Variants in GATAD2A observed in about 807,000 individuals in gnomAD.
GATAD2A encodes the protein GATA zinc finger domain containing 2A, also known as transcriptional repressor p66-alpha.
Under a neutral mutation model 68.5 loss-of-function variants are expected in GATAD2A, and 12 were observed. The observed-to-expected ratio is 0.18, with a 90% CI of 0.11 to 0.28. The LOEUF (loss-of-function observed/expected upper bound fraction) is 0.28. GATAD2A is among the 10% of genes least tolerant of loss of function. The pLI is 1.00. For missense variants in GATAD2A, 755 were observed against 868.5 expected (o/e 0.87, Z 1.64); for synonymous variants, 410 against 375.3 (o/e 1.09, Z -1.07).
At chr19:19,471,228 C>T (rs1045170251) in intron 2 of GATAD2A, among the ~76,000 whole-genome samples, 2 of 148,192 alleles carry the variant, frequency 1.3e-5, no homozygotes, top group Admixed American at 6.8e-5. Context: ...TGTACTCCAG[C>T]CTGGTGACAG....
chr19:19,457,994 A>T (rs2057091177), intron 1 of GATAD2A, among the ~76,000 whole-genome samples: 1 of 152,188 alleles, frequency 6.6e-6, no homozygotes, highest in South Asian at 2.1e-4. Flanking sequence ...GGACCACTGC[A>T]GGGAGACGAT....
intron 1 of GATAD2A, among the ~76,000 whole-genome samples, chr19:19,399,039 A>G (rs2049495715): frequency 6.6e-6 from 1 of 151,260 alleles, no homozygotes; most frequent in Non-Finnish European, 1.5e-5. Context: ...AGCCTGGGCG[A>G]CAGAGTGAGA....
In GATAD2A at chr19:19,492,369, G is replaced by T; in HGVS notation, c.333G>T (p.Gln111His). The T allele has an allele frequency of 6.2e-7, 1 of 1,612,916 alleles. No individual in the cohort carries two copies. Among genetic ancestry groups the T allele is most frequent in the Middle Eastern group, 1.6e-4 (1 of 6,062 alleles). ...TGATTGTGCTCTCCGACAACGAGCA[G>T]CCCTCGAGCCCGAGAGTGAATGGGC... is the stretch of plus-strand genomic sequence containing the variant. ...PDVIVLSDNE[Q>H]PSSPRVNGLT... Residue 111 changes from glutamine (Q) to histidine (H), a missense_variant, in exon 3 of 12, where the codon CAG becomes CAT. Coordinates refer to ENST00000683918, the MANE Select transcript of GATAD2A (RefSeq NM_001384528.1).
intron 2 of GATAD2A, among the ~76,000 whole-genome samples, chr19:19,471,280 A>G (rs1836444192): frequency 6.6e-6 from 1 of 151,628 alleles, no homozygotes; most frequent in Non-Finnish European, 1.5e-5. Context: ...AAGTGGAAGC[A>G]ACCCAGTGTC....
intron 1 of GATAD2A, among the ~76,000 whole-genome samples, chr19:19,456,468 G>A (rs145577041): frequency 5.3e-5 from 8 of 152,310 alleles, no homozygotes; most frequent in African/African-American, 1.9e-4. Context: ...CATGTGTGTA[G>A]CTGTGCTGCC....
intron 1 of GATAD2A, among the ~76,000 whole-genome samples, chr19:19,407,068 G>C (rs1198794090): frequency 6.6e-6 from 1 of 152,150 alleles, no homozygotes; most frequent in African/African-American, 2.4e-5. Context: ...TTTTCTTGGA[G>C]TACATAGTGC....
chr19:19,496,090 ACCGCCCCTCCTC>A lies in GATAD2A; in HGVS notation c.797_808del (p.Pro266_Leu269del). ...TTAGGCAACATTCCAGCACAGGGCC[ACCGCCCCTCCTC>A]CTGGCCCCCCGGGCGTCGGTGCCCA... On this transcript the variant is annotated inframe_deletion, in exon 7 of 12. Coordinates refer to ENST00000683918, the MANE Select transcript of GATAD2A (RefSeq NM_001384528.1). 6.2e-7 allele frequency: 1 copy of A among 1,613,756 alleles called. No homozygotes were observed. Among genetic ancestry groups the A allele is most frequent in the South Asian group, 1.1e-5 (1 of 91,070 alleles).
chr19:19,469,685 G>A (rs568865055), intron 2 of GATAD2A, among the ~76,000 whole-genome samples: 13 of 152,146 alleles, frequency 8.5e-5, no homozygotes, highest in Admixed American at 2.0e-4. Flanking sequence ...AGTGGCTCAC[G>A]CCTGTAATGC....
chr19:19,417,824 G>T (rs2051840578), intron 1 of GATAD2A, among the ~76,000 whole-genome samples: 2 of 152,312 alleles, frequency 1.3e-5, no homozygotes, highest in East Asian at 3.9e-4. Flanking sequence ...ATTGGGTAGG[G>T]ATTAACTGGA....
rs756748740 is a variant in GATAD2A, at chr19:19,400,620, GAAGA to G, written c.-7+14488_-7+14491del. On this transcript the variant is annotated intron_variant, in intron 1 of 11. Coordinates refer to the GATAD2A transcript ENST00000360315. ...TGTAGCTATTTTCTGGTCCCTCCCT[GAAGA>G]AAGAATCAGGAGTATCAAAGTATTA... Among the ~76,000 whole-genome samples the G allele has an allele frequency of 1.1e-4, 17 of 152,202 alleles. No homozygotes were observed. In the East Asian group the frequency reaches 3.3e-3, roughly 29 times the overall value.
At chr19:19,486,080 G>A (rs2148316893) in intron 2 of GATAD2A, among the ~76,000 whole-genome samples, 1 of 152,350 alleles carries the variant, frequency 6.6e-6, no homozygotes, top group East Asian at 1.9e-4. Flanking sequence ...AGAGGAGGAA[G>A]TGGGCGCTCC....
At chr19:19,452,073 G>A (rs1158298601) in intron 1 of GATAD2A, among the ~76,000 whole-genome samples, 1 of 152,228 alleles carries the variant, frequency 6.6e-6, no homozygotes, top group Non-Finnish European at 1.5e-5. Context: ...CTGTGCATGC[G>A]TATGAGTGTG....
chr19:19,469,431 C>CAAAAAAAAAAAAA (rs56310236), intron 2 of GATAD2A, among the ~76,000 whole-genome samples: 2 of 132,182 alleles, frequency 1.5e-5, no homozygotes, highest in Non-Finnish European at 3.2e-5. Context: ...GACTCCATCT[C>CAAAAAAAAAAAAA]AAAAAAAAAG....
chr19:19,507,360 C>G lies in GATAD2A; in HGVS notation c.*1886C>G, dbSNP rs1230868437. ...CCTACGACCCTGAGCTGTTAGCCCT[C>G]TCTGTTCCATGACAGGGGCCAGATC... On this transcript the variant is annotated 3_prime_UTR_variant, in exon 12 of 12. Coordinates refer to ENST00000683918, the MANE Select transcript of GATAD2A (RefSeq NM_001384528.1). 1.3e-5 allele frequency: 2 copies of G among 152,164 alleles called. No individual in the cohort carries two copies. Among genetic ancestry groups the G allele is most frequent in the East Asian group, 3.8e-4 (2 of 5,198 alleles). 9.4% of individuals were successfully genotyped at this position (152,164 alleles called of 1,614,324 possible).
intron 2 of GATAD2A, chr19:19,472,817 C>T (rs1366339960): frequency 6.6e-6 from 1 of 152,210 alleles, no homozygotes; most frequent in Non-Finnish European, 1.5e-5. Context: ...TTGTATGTGC[C>T]TTTTCTGAAG....
intron 1 of GATAD2A, among the ~76,000 whole-genome samples, chr19:19,419,099 T>C (rs1364034363): frequency 6.6e-6 from 1 of 152,124 alleles, no homozygotes; most frequent in Non-Finnish European, 1.5e-5. Context: ...CCCCTCCCCC[T>C]GGTCTGTGCC....
chr19:19,496,187 C>G lies in GATAD2A; in HGVS notation c.892C>G (p.Pro298Ala), dbSNP rs528154163. The change falls in exon 7 of 12, where the codon CCC becomes GCC. Residue 298 changes from proline (P) to alanine (A), a missense_variant. Pro to Ala is a conservative substitution (Grantham distance 27). Transcript: ENST00000683918. ...GGGCCTCATCCGCGTCGCCAATGTT[C>G]CCAACACCAGCCTGCTCGTCAACAT... is the stretch of plus-strand genomic sequence containing the variant. ...QQGLIRVANV[P>A]NTSLLVNIPQ... 9.9e-6 allele frequency: 16 copies of G among 1,613,844 alleles called. No homozygotes were observed. Among genetic ancestry groups the G allele is most frequent in the Non-Finnish European group, 1.3e-5 (15 of 1,179,990 alleles).
intron 11 of GATAD2A, among the ~76,000 whole-genome samples, chr19:19,502,876 T>C (rs555920386): frequency 1.3e-5 from 2 of 152,178 alleles, no homozygotes; most frequent in African/African-American, 2.4e-5. Context: ...CCTTTTCTCT[T>C]TGTGCCGCAG....
At chr19:19,395,467 T>C (rs2049159509) in intron 1 of GATAD2A, among the ~76,000 whole-genome samples, 1 of 150,656 alleles carries the variant, frequency 6.6e-6, no homozygotes, top group African/African-American at 2.4e-5. Flanking sequence ...AAAAAAAAAA[T>C]AGAAAACATG....
Sources: allele counts gnomAD v4.1 joint callset (sites outside exome capture counted in the v4.1 genomes callset), GRCh38; gene constraint gnomAD v4.1.1; transcripts MANE v1.5; gene names NCBI Gene and HGNC (gene_info 2026-07-23, HGNC 2026-07-21).